Variants in PPP3CC observed in about 807,000 individuals in gnomAD.
The protein encoded by PPP3CC is protein phosphatase 3 catalytic subunit gamma, also known as serine/threonine-protein phosphatase 2B catalytic subunit gamma isoform.
Under a neutral mutation model 60.3 loss-of-function variants are expected in PPP3CC, and 35 were observed. The ratio of observed to expected loss-of-function variants is 0.58; its 90% CI spans 0.44 to 0.77. The LOEUF (loss-of-function observed/expected upper bound fraction) is 0.77, where lower values mean the gene tolerates loss of function less well. Ranked by LOEUF, PPP3CC falls within the 30% of genes least tolerant of loss-of-function variation. The pLI is 0.00. For missense variants in PPP3CC, 570 were observed against 628.9 expected (o/e 0.91, Z 1.00); for synonymous variants, 206 against 224.3 (o/e 0.92, Z 0.73).
At chr8:22,488,902 G>C (rs376453578) in intron 3 of PPP3CC, among the ~76,000 whole-genome samples, 14 of 152,266 alleles carry the variant, frequency 9.2e-5, no homozygotes, top group African/African-American at 3.1e-4. Flanking sequence ...TGAGGCTATC[G>C]AGGCTAGACA....
chr8:22,471,962 A>G (rs771129812), intron 1 of PPP3CC, among the ~76,000 whole-genome samples: 3 of 151,928 alleles, frequency 2.0e-5, no homozygotes, highest in Non-Finnish European at 4.4e-5. Flanking sequence ...CCCCATCTCT[A>G]CAAAAAATAC....
intron 3 of PPP3CC, 133 bp downstream of exon 3, chr8:22,475,757 T>C (rs1163924095): frequency 1.1e-6 from 1 of 929,068 alleles, no homozygotes; most frequent in African/African-American, 1.7e-5. Flanking sequence ...AAAATTAAAG[T>C]AGTAGAAATG....
chr8:22,519,968 T>C (rs1445629722), intron 6 of PPP3CC, among the ~76,000 whole-genome samples: 1 of 152,214 alleles, frequency 6.6e-6, no homozygotes, highest in African/African-American at 2.4e-5. Context: ...ATCTTTTAGT[T>C]TCTACTTGAA....
intron 12 of PPP3CC, among the ~76,000 whole-genome samples, chr8:22,537,070 TTA>T (rs1464128141): frequency 6.6e-6 from 1 of 152,168 alleles, no homozygotes; most frequent in Admixed American, 6.5e-5. Context: ...AACAGATCAG[TTA>T]TAAATTGGAC....
chr8:22,531,069 T>C (rs1397985939), intron 10 of PPP3CC, among the ~76,000 whole-genome samples: 1 of 152,174 alleles, frequency 6.6e-6, no homozygotes, highest in Non-Finnish European at 1.5e-5. Flanking sequence ...TGTGAATTAA[T>C]GTAAAACCAT....
At chr8:22,493,835 A>G (rs1052490581) in intron 3 of PPP3CC, among the ~76,000 whole-genome samples, 1 of 152,232 alleles carries the variant, frequency 6.6e-6, no homozygotes, top group African/African-American at 2.4e-5. Context: ...AAAGTATGGT[A>G]TAGTAAATAC....
intron 3 of PPP3CC, 169 bp downstream of exon 3, chr8:22,475,793 T>C: frequency 4.5e-6 from 3 of 667,774 alleles, no homozygotes; most frequent in Non-Finnish European, 4.6e-6. Context: ...CAGTTATTCC[T>C]TTTTTAAAAC....
intron 3 of PPP3CC, among the ~76,000 whole-genome samples, chr8:22,490,037 G>C (rs1464806225): frequency 6.6e-6 from 1 of 151,352 alleles, no homozygotes; most frequent in African/African-American, 2.4e-5. Context: ...GTTAGCCAGG[G>C]TGGTCTGGAT....
chr8:22,454,891 C>A (rs1488442728), intron 1 of PPP3CC, among the ~76,000 whole-genome samples: 1 of 151,450 alleles, frequency 6.6e-6, no homozygotes, highest in Admixed American at 6.6e-5. Context: ...CCCATCTCTA[C>A]TAAAAATACA....
At chr8:22,524,214 G>T (rs947134992) in intron 8 of PPP3CC, among the ~76,000 whole-genome samples, 1 of 152,180 alleles carries the variant, frequency 6.6e-6, no homozygotes, top group Non-Finnish European at 1.5e-5. Flanking sequence ...TTTGTAGCTG[G>T]TGGTTTCTTA....
rs1324171584 is a variant in PPP3CC at position 22,531,257 on chromosome 8, TTC to T, written c.1142-966_1142-965del. On this transcript the variant is annotated intron_variant, in intron 10 of 13. Transcript: ENST00000240139. ...TAAACATAAATTTCTCTTCTCATAT[TTC>T]TGTCTTCATCTCCTTGTTTCTTGGT... 3 of 1,496,080 alleles carry T rather than the reference TTC, an allele frequency of 2.0e-6. No individual in the cohort carries two copies. In the South Asian group the frequency reaches 3.6e-5, roughly 18 times the overall value. 92.7% of individuals were successfully genotyped at this position (1,496,080 alleles called of 1,614,324 possible). A position where few individuals can be genotyped will look rare whatever the true frequency, so the allele number is the denominator to read the frequency against.
chr8:22,522,677 C>G lies in PPP3CC; in HGVS notation c.871C>G (p.Gln291Glu). 6.2e-7 allele frequency: 1 copy of G among 1,607,022 alleles called. No individual in the cohort carries two copies. Among genetic ancestry groups the G allele is most frequent in the Non-Finnish European group, 8.5e-7 (1 of 1,174,240 alleles). Residue 291 changes from glutamine to glutamate, a missense_variant, in exon 8 of 14, where the codon CAA becomes GAA. Coordinates refer to ENST00000240139, the MANE Select transcript of PPP3CC (RefSeq NM_005605.5). Reference protein sequence around the residue: ...DAGYRMYRKSQATGFPSLITI... With the variant: ...DAGYRMYRKSEATGFPSLITI... ...CAGGTATCGAATGTACAGGAAGAGC[C>G]AAGCCACAGGCTTTCCATCACTTAT...
chr8:22,483,666 A>G (rs1243149298), intron 3 of PPP3CC, among the ~76,000 whole-genome samples: 3 of 152,166 alleles, frequency 2.0e-5, no homozygotes, highest in South Asian at 2.1e-4. Context: ...CACAAACCCT[A>G]TTACAATTTC....
intron 1 of PPP3CC, among the ~76,000 whole-genome samples, chr8:22,464,064 C>T (rs1484992769): frequency 1.3e-5 from 2 of 151,900 alleles, no homozygotes; most frequent in East Asian, 1.9e-4. Flanking sequence ...TTCTTTAAGC[C>T]GAAAGATACT....
At chr8:22,454,981 G>T (rs1373140503) in intron 1 of PPP3CC, among the ~76,000 whole-genome samples, 2 of 150,656 alleles carry the variant, frequency 1.3e-5, no homozygotes, top group Non-Finnish European at 3.0e-5. Context: ...GCATGAACCC[G>T]GGAGGCAGAG....
chr8:22,475,369 A>T, intron 2 of PPP3CC, 131 bp from the exon 3 acceptor site: 1 of 1,101,518 alleles, frequency 9.1e-7, no homozygotes, highest in Admixed American at 2.3e-5. Flanking sequence ...TAGATTGACT[A>T]CAGTTTTACA....
At chr8:22,529,006 AATGTG>A (rs1187031740) in intron 10 of PPP3CC, among the ~76,000 whole-genome samples, 11 of 152,224 alleles carry the variant, frequency 7.2e-5, no homozygotes, top group African/African-American at 2.7e-4. Flanking sequence ...TTTAGATAAA[AATGTG>A]CACATTCTCT....
intron 1 of PPP3CC, among the ~76,000 whole-genome samples, chr8:22,453,388 T>G (rs1321929620): frequency 6.6e-6 from 1 of 152,226 alleles, no homozygotes; most frequent in Non-Finnish European, 1.5e-5. Context: ...AAATGCATCC[T>G]TAGGCGATTT....
At chr8:22,474,751 A>G (rs1837835449) in intron 1 of PPP3CC, among the ~76,000 whole-genome samples, 1 of 152,116 alleles carries the variant, frequency 6.6e-6, no homozygotes, top group South Asian at 2.1e-4. Context: ...ACACACAAAT[A>G]TTTAAAATGA....
Sources: gnomAD v4.1 joint callset for allele counts (sites outside exome capture counted in the v4.1 genomes callset) on GRCh38, gnomAD v4.1.1 for gene constraint, MANE v1.5 for transcripts, NCBI Gene and HGNC (gene_info 2026-07-23, HGNC 2026-07-21) for gene names.